IQCM: variants seen among roughly 807,000 people sequenced by gnomAD.
The protein encoded by IQCM is IQ motif containing M.
In IQCM, 45 loss-of-function variants were observed where a neutral mutation model predicts 57.6. The ratio of observed to expected loss-of-function variants is 0.78; its 90% confidence interval spans 0.62 to 1.00. IQCM has a LOEUF of 1.00. IQCM is among the 50% of genes least tolerant of loss of function. The pLI is 0.00. For synonymous variants in IQCM, 148 were observed against 158.9 expected (o/e 0.93, Z 0.51); for missense variants, 468 against 511.6 (o/e 0.91, Z 0.82).
At chr4:149,354,363 C>CAAAAAGAAAAAAAA (rs1728786887) in intron 13 of IQCM, among the ~76,000 whole-genome samples, 1 of 20,258 alleles carries the variant, frequency 4.9e-5, no homozygotes, top group Non-Finnish European at 8.5e-5. Context: ...GACTCCGTCT[C>CAAAAAGAAAAAAAA]AAAAAAAAAA....
In IQCM at chr4:149,474,038, C is replaced by T. The variant is rs144563803; in HGVS notation, c.1229-40481G>A. Among the ~76,000 whole-genome samples, 501 of 151,806 alleles carry T rather than the reference C, an allele frequency of 3.3e-3. 4 individuals carry two copies. Among genetic ancestry groups the T allele is most frequent in the African/African-American group, 0.012 (478 of 41,416 alleles). ...ATACTTAATGTAAATGACAAGTTAA[C>T]GGGTGCAGCACACCAACATGGCACA... is the stretch of plus-strand genomic sequence containing the variant. On this transcript the variant is annotated intron_variant, in intron 12 of 13. Coordinates refer to ENST00000636793, the MANE Select transcript of IQCM (RefSeq NM_001363507.2).
In IQCM at chr4:149,364,222, C is replaced by T. The variant is rs547742859; in HGVS notation, c.1391-12156G>A. On this transcript the variant is annotated intron_variant, in intron 13 of 13. Transcript: ENST00000636793. Reference sequence around the variant, plus strand: ...AGGAATAGAAAAAGAGAAATCTCAACGATAAAAGTCACATATTGTTTTGGG... The same window carrying T: ...AGGAATAGAAAAAGAGAAATCTCAATGATAAAAGTCACATATTGTTTTGGG... 3.4e-4 allele frequency among the ~76,000 whole-genome samples: 52 copies of T among 152,160 alleles called. 1 individual carries two copies. The South Asian group carries it at 1.0e-2, about 29-fold the overall frequency.
At chr4:149,427,245 T>A (rs1734525507) in intron 13 of IQCM, among the ~76,000 whole-genome samples, 1 of 152,006 alleles carries the variant, frequency 6.6e-6, no homozygotes, top group East Asian at 1.9e-4. Context: ...CCTAAGTTAT[T>A]TCTCAATCTT....
intron 9 of IQCM, among the ~76,000 whole-genome samples, chr4:149,582,700 A>G (rs1047038732): frequency 6.6e-6 from 1 of 151,614 alleles, no homozygotes; most frequent in Non-Finnish European, 1.5e-5. Flanking sequence ...ACACAAGTAG[A>G]GGTCACCTGA....
rs911312017 is a variant in IQCM at position 149,742,737 on chromosome 4, G to A, written c.-46C>T. ...TTCTTTTTTAAAGTGTGAGCTCCAA[G>A]TCCTTAAACACAGTTACATTAAGTA... On this transcript the variant is annotated splice_region_variant and 5_prime_UTR_variant, in exon 3 of 14. Transcript: ENST00000636793. 77 of 1,159,802 alleles carry A rather than the reference G, an allele frequency of 6.6e-5. No homozygotes were observed. The highest frequency in any genetic ancestry group is 8.2e-5 in the Non-Finnish European group (76 of 922,352). The allele number at this position is 1,159,802 out of a possible 1,614,324, so 71.8% of individuals were successfully genotyped here.
At chr4:149,755,330 G>A (rs1488340968) in intron 2 of IQCM, among the ~76,000 whole-genome samples, 1 of 152,082 alleles carries the variant, frequency 6.6e-6, no homozygotes, top group Admixed American at 6.6e-5. Flanking sequence ...AAGTCACCAT[G>A]TCCCCACACA....
chr4:149,412,864 G>C (rs1433665571), intron 13 of IQCM, among the ~76,000 whole-genome samples: 2 of 152,142 alleles, frequency 1.3e-5, no homozygotes, highest in Non-Finnish European at 2.9e-5. Context: ...GAGGGAACAT[G>C]TGCTAAGGCA....
intron 9 of IQCM, among the ~76,000 whole-genome samples, chr4:149,586,889 CT>C (rs1267350647): frequency 6.6e-6 from 1 of 151,600 alleles, no homozygotes; most frequent in Non-Finnish European, 1.5e-5. Context: ...AGAGAAAAAT[CT>C]TTTTTTCTTT....
rs1735057832 is a variant in IQCM at position 149,433,470 on chromosome 4, A to C, written c.1316T>G (p.Val439Gly). The change falls in exon 13 of 14, where the codon GTG becomes GGG. Residue 439 changes from valine (V) to glycine (G), a missense_variant. Transcript: ENST00000636793. ...CGACTTGAGTAGTGTACTGTCAGGC[A>C]CATGTGCACCTTCAGGAGGATAGAG... ...FTLYPPEGAH[V>G]PDSTLLKSTW... The C allele has an allele frequency of 8.2e-7, 1 of 1,220,484 alleles. No individual in the cohort carries two copies. The highest frequency in any genetic ancestry group is 1.0e-6 in the Non-Finnish European group (1 of 977,680). 75.6% of individuals were successfully genotyped at this position (1,220,484 alleles called of 1,614,324 possible). A position where few individuals can be genotyped will look rare whatever the true frequency, so the allele number is the denominator to read the frequency against.
At chr4:149,799,838 A>T (rs565364379) in intron 2 of IQCM, among the ~76,000 whole-genome samples, 1 of 150,228 alleles carries the variant, frequency 6.7e-6, no homozygotes, top group East Asian at 2.0e-4. Flanking sequence ...TGTAATAAAA[A>T]GTCTACCAGT....
In IQCM at chr4:149,605,778, C is replaced by T. The variant is rs1457675857; in HGVS notation, c.681+15351G>A. On this transcript the variant is annotated intron_variant, in intron 8 of 13. Coordinates refer to ENST00000636793, the MANE Select transcript of IQCM (RefSeq NM_001363507.2). ...TGTAGTAGCCAAGGGAATGCAATGC[C>T]TATATAACCCCTCCCCCAACTCCTG... Among the ~76,000 whole-genome samples the T allele has an allele frequency of 4.0e-5, 6 of 150,330 alleles. No individual in the cohort carries two copies. In the Admixed American group the frequency reaches 4.0e-4, roughly 10 times the overall value.
intron 6 of IQCM, among the ~76,000 whole-genome samples, chr4:149,685,111 C>A (rs1381078878): frequency 2.6e-5 from 4 of 151,492 alleles, no homozygotes; most frequent in Non-Finnish European, 5.9e-5. Flanking sequence ...AGATATTATA[C>A]CTGATCAGAT....
At chr4:149,798,442 C>T (rs982234691) in intron 2 of IQCM, among the ~76,000 whole-genome samples, 5 of 151,886 alleles carry the variant, frequency 3.3e-5, no homozygotes, top group Admixed American at 1.3e-4. Flanking sequence ...GAAGTAAAGA[C>T]AGCAAAACAT....
chr4:149,383,760 C>A (rs1414592556), intron 13 of IQCM, among the ~76,000 whole-genome samples: 2 of 152,014 alleles, frequency 1.3e-5, no homozygotes, highest in Non-Finnish European at 2.9e-5. Context: ...TTGAGACCAG[C>A]CTGACCAACA....
At position 149,367,472 on chromosome 4, in the gene IQCM, T is replaced by C. The variant is rs1038448524; in HGVS notation, c.1391-15406A>G. 3.9e-5 allele frequency among the ~76,000 whole-genome samples: 6 copies of C among 152,106 alleles called. 1 individual carries two copies. In the South Asian group the frequency reaches 1.2e-3, roughly 32 times the overall value. On this transcript the variant is annotated intron_variant, in intron 13 of 13. Coordinates refer to ENST00000636793, the MANE Select transcript of IQCM (RefSeq NM_001363507.2). ...TTGACTTATTTACTCAAGAGGAATC[T>C]CTTGAAATCTATCCAAGCCAACTAG...
chr4:149,644,188 T>C (rs1038391302), intron 7 of IQCM, among the ~76,000 whole-genome samples: 3 of 152,158 alleles, frequency 2.0e-5, no homozygotes, highest in Non-Finnish European at 4.4e-5. Flanking sequence ...TCTACTATTG[T>C]AAAATATAAC....
At chr4:149,682,370 T>C (rs952748572) in intron 6 of IQCM, among the ~76,000 whole-genome samples, 164 bp from the exon 7 acceptor site, 1 of 151,124 alleles carries the variant, frequency 6.6e-6, no homozygotes, top group African/African-American at 2.4e-5. Flanking sequence ...GAGTAAATAT[T>C]ATTAAACAAA....
intron 5 of IQCM, among the ~76,000 whole-genome samples, chr4:149,721,274 C>T (rs1455745864): frequency 6.6e-6 from 1 of 151,980 alleles, no homozygotes; most frequent in Admixed American, 6.6e-5. Flanking sequence ...ACGCCATTTT[C>T]ATTTTTTTCT....
intron 8 of IQCM, among the ~76,000 whole-genome samples, chr4:149,606,900 T>A (rs991976854): frequency 6.6e-6 from 1 of 151,916 alleles, no homozygotes; most frequent in Non-Finnish European, 1.5e-5. Flanking sequence ...GAAGCACACA[T>A]ACAACATCTA....
Sources: allele counts gnomAD v4.1 joint callset (sites outside exome capture counted in the v4.1 genomes callset), GRCh38; gene constraint gnomAD v4.1.1; transcripts MANE v1.5; gene names NCBI Gene and HGNC (gene_info 2026-07-23, HGNC 2026-07-21).